The following DLG2 variants were observed in gnomAD, a reference collection of about 807,000 sequenced individuals.
DLG2 encodes the protein disks large homolog 2.
DLG2 carries 45 observed loss-of-function variants against 132.5 expected under a neutral mutation model. The observed-to-expected ratio is 0.34, with a 90% CI of 0.27 to 0.44. The LOEUF is 0.44. Among genes scored for constraint, DLG2 ranks in the 20% least tolerant of loss-of-function variants. The pLI is 1.00. For missense variants in DLG2, 1,045 were observed against 1,196.9 expected, an observed-to-expected ratio of 0.87 and a Z score of 1.87; for synonymous variants, 424 against 419.6, an observed-to-expected ratio of 1.01 and a Z score of -0.13.
At chr11:84,497,046 A>G (rs1236392006) in intron 7 of DLG2, among the ~76,000 whole-genome samples, 1 of 152,178 alleles carries the variant, frequency 6.6e-6, no homozygotes, top group Non-Finnish European at 1.5e-5. Flanking sequence ...TCGCATAAGA[A>G]CTTAAACTCT....
chr11:84,841,259 G>A (rs1489571741), intron 6 of DLG2, among the ~76,000 whole-genome samples: 1 of 151,952 alleles, frequency 6.6e-6, no homozygotes, highest in Admixed American at 6.6e-5. Flanking sequence ...GAAAGGAGAA[G>A]GGGATGAGGA....
At chr11:84,464,544 C>G (rs1406656671) in intron 7 of DLG2, among the ~76,000 whole-genome samples, 1 of 151,080 alleles carries the variant, frequency 6.6e-6, no homozygotes, top group African/African-American at 2.4e-5. Flanking sequence ...TCTGTTTTGA[C>G]TTTAGGTAAT....
chr11:85,270,884 C>T (rs2077487528), intron 4 of DLG2, among the ~76,000 whole-genome samples: 1 of 152,066 alleles, frequency 6.6e-6, no homozygotes, highest in African/African-American at 2.4e-5. Flanking sequence ...TAAAGGTATA[C>T]AGTATTATAA....
chr11:85,531,479 C>A (rs1186601202), intron 3 of DLG2, among the ~76,000 whole-genome samples: 3 of 152,116 alleles, frequency 2.0e-5, no homozygotes, highest in Non-Finnish European at 2.9e-5. Flanking sequence ...AAATAAATCA[C>A]AACTGAAAAA....
At chr11:84,616,652 T>C (rs1358912757) in intron 6 of DLG2, among the ~76,000 whole-genome samples, 1 of 152,128 alleles carries the variant, frequency 6.6e-6, no homozygotes, top group Admixed American at 6.6e-5. Flanking sequence ...CAGTCTTTGG[T>C]AAACCACTTA....
chr11:84,430,774 A>G (rs2098982235), intron 7 of DLG2, among the ~76,000 whole-genome samples: 1 of 152,122 alleles, frequency 6.6e-6, no homozygotes, highest in Non-Finnish European at 1.5e-5. Context: ...GCTACTGTCC[A>G]TTTTGCTGCT....
At chr11:85,478,015 T>C (rs1308440089) in intron 3 of DLG2, among the ~76,000 whole-genome samples, 1 of 151,744 alleles carries the variant, frequency 6.6e-6, no homozygotes, top group Non-Finnish European at 1.5e-5. Context: ...AATAGCACTT[T>C]TTTTTTTTTA....
intron 6 of DLG2, among the ~76,000 whole-genome samples, chr11:84,867,456 G>A (rs1307945433): frequency 6.6e-6 from 1 of 152,170 alleles, no homozygotes; most frequent in East Asian, 1.9e-4. Flanking sequence ...TGGAAGGTAT[G>A]AGGACCCAAA....
At position 85,233,978 on chromosome 11, in the gene DLG2, A is replaced by G. The variant is rs1187249543; in HGVS notation, c.186+51242T>C. Reference sequence around the variant, plus strand: ...AGAGGTTACAATTATTAATGAGAAGATGAAATAGGATTGCAAAGTTTTCAT... The same window carrying G: ...AGAGGTTACAATTATTAATGAGAAGGTGAAATAGGATTGCAAAGTTTTCAT... On this transcript the variant is annotated intron_variant, in intron 4 of 27. Transcript: ENST00000376104. 3.3e-4 allele frequency among the ~76,000 whole-genome samples: 50 copies of G among 151,842 alleles called. No individual in the cohort carries two copies. In the Admixed American group the frequency reaches 3.3e-3, roughly 10 times the overall value.
At chr11:83,749,641 G>C (rs73511039) in intron 18 of DLG2, among the ~76,000 whole-genome samples, 2,115 of 151,546 alleles carry the variant, frequency 0.014, 58 homozygotes, top group African/African-American at 0.049. Flanking sequence ...AGCACTAACA[G>C]AGAGAAATGC....
chr11:84,380,190 G>C (rs1486067622), intron 7 of DLG2, among the ~76,000 whole-genome samples: 1 of 152,130 alleles, frequency 6.6e-6, no homozygotes, highest in South Asian at 2.1e-4. Flanking sequence ...AAACCTGTAA[G>C]TAATAAAAGA....
At chr11:85,318,351 C>T (rs1041650300) in intron 3 of DLG2, among the ~76,000 whole-genome samples, 11 of 151,646 alleles carry the variant, frequency 7.3e-5, no homozygotes, top group African/African-American at 1.9e-4. Flanking sequence ...GGCTCCTGAT[C>T]AATGTTTATC....
intron 9 of DLG2, among the ~76,000 whole-genome samples, chr11:84,161,081 G>A (rs544237593): frequency 4.6e-5 from 7 of 152,344 alleles, no homozygotes; most frequent in East Asian, 1.9e-4. Flanking sequence ...AAAGTGAGAT[G>A]AGTGAGTGTT....
chr11:83,571,592 C>CAAA (rs71066051), intron 19 of DLG2, among the ~76,000 whole-genome samples: 5 of 113,838 alleles, frequency 4.4e-5, no homozygotes, highest in South Asian at 2.8e-4. Flanking sequence ...GACTCCGTCT[C>CAAA]AAAAAAAAAA....
chr11:83,753,828 T>TG lies in DLG2; in HGVS notation c.1825+32861_1825+32862insC, dbSNP rs1192579542. On this transcript the variant is annotated intron_variant, in intron 18 of 27. Transcript: ENST00000376104. The stretch of plus-strand genomic sequence containing the variant: ...ATATATATCATATATATATTTCATA[T>TG]ATATATGATATATATCATATATATC... Among the ~76,000 whole-genome samples, 39 of 13,422 alleles carry TG rather than the reference T, an allele frequency of 2.9e-3. 1 individual carries two copies. The African/African-American group carries it at 0.031, about 11-fold the overall frequency. 8.8% of individuals were successfully genotyped at this position (13,422 alleles called of 152,430 possible). A position where few individuals can be genotyped will look rare whatever the true frequency, so the allele number is the denominator to read the frequency against.
intron 17 of DLG2, among the ~76,000 whole-genome samples, chr11:83,825,979 A>G (rs1432805436): frequency 6.6e-6 from 1 of 152,136 alleles, no homozygotes; most frequent in Non-Finnish European, 1.5e-5. Flanking sequence ...CAGTGAGAGT[A>G]GGGGAAGTAT....
intron 18 of DLG2, among the ~76,000 whole-genome samples, chr11:83,709,294 T>C (rs2084824601): frequency 1.3e-5 from 2 of 148,506 alleles, no homozygotes; most frequent in Admixed American, 1.4e-4. Context: ...TATGTACATA[T>C]ATACATATAC....
At chr11:84,190,466 A>G (rs1333067611) in intron 8 of DLG2, among the ~76,000 whole-genome samples, 1 of 152,346 alleles carries the variant, frequency 6.6e-6, no homozygotes, top group East Asian at 1.9e-4. Flanking sequence ...TAGAATTGTT[A>G]GTGATGATGC....
At chr11:83,893,844 G>T (rs2070736193) in intron 15 of DLG2, among the ~76,000 whole-genome samples, 1 of 152,122 alleles carries the variant, frequency 6.6e-6, no homozygotes, top group South Asian at 2.1e-4. Flanking sequence ...CACTGCCTTG[G>T]TTCTTTGAAA....
Sources: gnomAD v4.1 joint callset for allele counts (sites outside exome capture counted in the v4.1 genomes callset) on GRCh38, gnomAD v4.1.1 for gene constraint, MANE v1.5 for transcripts, NCBI Gene and HGNC (gene_info 2026-07-23, HGNC 2026-07-21) for gene names.